The following SORBS3 variants were observed in gnomAD, a reference collection of about 807,000 sequenced individuals.
SORBS3 encodes vinexin.
SORBS3 carries 69 observed loss-of-function variants against 98.0 expected under a neutral mutation model. That is an observed-to-expected ratio of 0.70 (90% CI 0.58 to 0.86). The LOEUF is 0.86. Ranked by LOEUF, SORBS3 falls within the 40% of genes least tolerant of loss-of-function variation. The pLI is 0.00. For synonymous variants in SORBS3, 394 were observed against 355.4 expected (o/e 1.11, Z -1.22); for missense variants, 954 against 908.5 (o/e 1.05, Z -0.64).
Position 22,564,531 on chromosome 8 carries a change from G to A in SORBS3, c.816+10G>A. On this transcript the variant is annotated intron_variant, in intron 10 of 20. Coordinates refer to ENST00000240123, the MANE Select transcript of SORBS3 (RefSeq NM_005775.5). ...CTCCCAGCCCATTGAGGTGAGTGCT[G>A]CAGGGTGCTGGGGACAGCAGCCTGA... 6.2e-7 allele frequency: 1 copy of A among 1,614,016 alleles called. No homozygotes were observed. The highest frequency in any genetic ancestry group is 8.5e-7 in the Non-Finnish European group (1 of 1,179,966).
rs1346059913 is a variant in SORBS3 at position 22,556,705 on chromosome 8, C to T, written c.221-10C>T. ...CCTTTCACTAATGCTCTCCTGCACG[C>T]ACCCAACAGACCCTGCGTGGTATCA... On this transcript the variant is annotated splice_polypyrimidine_tract_variant and intron_variant, in intron 3 of 20. Transcript: ENST00000240123. The T allele has an allele frequency of 6.2e-7, 1 of 1,613,418 alleles. No individual in the cohort carries two copies. The highest frequency in any genetic ancestry group is 2.2e-5 in the East Asian group (1 of 44,888).
intron 5 of SORBS3, among the ~76,000 whole-genome samples, chr8:22,559,926 G>C (rs1840258769): frequency 6.6e-6 from 1 of 150,434 alleles, no homozygotes; most frequent in Non-Finnish European, 1.5e-5. Context: ...AATTAGTTGG[G>C]CATGGTGGTG....
rs768763540 is a variant in SORBS3, at chr8:22,574,660, C to T, written c.1955-7C>T. 3 of 1,612,892 alleles carry T rather than the reference C, an allele frequency of 1.9e-6. No homozygotes were observed. Among genetic ancestry groups the T allele is most frequent in the Non-Finnish European group, 2.5e-6 (3 of 1,179,368 alleles). On this transcript the variant is annotated splice_polypyrimidine_tract_variant and splice_region_variant and intron_variant, in intron 20 of 20. Coordinates refer to ENST00000240123, the MANE Select transcript of SORBS3 (RefSeq NM_005775.5). Reference sequence around the variant, plus strand: ...GGGGAAAGCTCTTCCTGCCTTTCCTCTTTCAGGTGTCTCCCGGAGGACCCA... The same window carrying T: ...GGGGAAAGCTCTTCCTGCCTTTCCTTTTTCAGGTGTCTCCCGGAGGACCCA...
In SORBS3 at chr8:22,556,835, G is replaced by A. The variant is rs773982336; in HGVS notation, c.341G>A (p.Arg114Gln). The A allele has an allele frequency of 1.7e-5, 28 of 1,613,524 alleles. No individual in the cohort carries two copies. The highest frequency in any genetic ancestry group is 1.1e-4 in the African/African-American group (8 of 74,922). ...SATWTKDSKR[R>Q]DKRWVKYEGI... is the part of the protein sequence containing the mutation. ...ACGTGGACCAAGGACAGCAAGCGTC[G>A]GGACAAGCGCTGGGTCAAGTACGAG... The change falls in exon 4 of 21, where the codon CGG becomes CAG. Residue 114 changes from arginine (R) to glutamine (Q), a missense_variant. Physicochemically the swap from Arg to Gln is conservative, Grantham distance 43 (BLOSUM62 1). Coordinates refer to ENST00000240123, the MANE Select transcript of SORBS3 (RefSeq NM_005775.5).
intron 11 of SORBS3, 70 bp from the exon 12 acceptor site, chr8:22,565,756 G>C (rs1198399491): frequency 2.3e-6 from 3 of 1,283,630 alleles, no homozygotes; most frequent in Non-Finnish European, 3.0e-6. Flanking sequence ...GAACTTTTCC[G>C]GAGGCGGCGG....
intron 10 of SORBS3, chr8:22,564,970 AC>A: frequency 7.5e-7 from 1 of 1,328,612 alleles, no homozygotes; most frequent in Non-Finnish European, 9.6e-7. Flanking sequence ...GAAATGGGGA[AC>A]CCCATTGGTG....
intron 20 of SORBS3, 112 bp downstream of exon 20, chr8:22,572,558 T>C (rs1319813970): frequency 4.6e-6 from 4 of 860,564 alleles, no homozygotes; most frequent in East Asian, 5.2e-5. Context: ...ACCCCCCGAC[T>C]CAGCTTCCGG....
rs1840613063 is a variant in SORBS3 at position 22,572,421 on chromosome 8, G to A, written c.1929G>A (p.Gln643=). Residue 643 remains glutamine (Q), a synonymous_variant, in exon 20 of 21, where the codon CAG becomes CAA. Coordinates refer to ENST00000240123, the MANE Select transcript of SORBS3 (RefSeq NM_005775.5). ...AGGGGGACAGGGTGGATGTCATGCA[G>A]CAGTGTGACGATGGCTGGTTTGTGG... ...LREGDRVDVM[Q]QCDDGWFVGV... 6.2e-7 allele frequency: 1 copy of A among 1,613,924 alleles called. No individual in the cohort carries two copies. The highest frequency in any genetic ancestry group is 8.5e-7 in the Non-Finnish European group (1 of 1,179,938).
chr8:22,554,349 C>T lies in SORBS3; in HGVS notation c.-55-103C>T. On this transcript the variant is annotated intron_variant, in intron 1 of 20. Coordinates refer to ENST00000240123, the MANE Select transcript of SORBS3 (RefSeq NM_005775.5). This position sits in a 1 kb window ranked among gnomAD's most constrained non-coding sequence, Gnocchi z 6.5. ...AGCTAGTACCCAGCTGGTCCTGACCCCCTCCCACAGCCGGCCCCTCCTCCC... is the reference window on the plus strand; with the variant it reads ...AGCTAGTACCCAGCTGGTCCTGACCTCCTCCCACAGCCGGCCCCTCCTCCC... The T allele has an allele frequency of 8.1e-7, 1 of 1,239,548 alleles. No homozygotes were observed. Among genetic ancestry groups the T allele is most frequent in the Non-Finnish European group, 1.1e-6 (1 of 923,372 alleles). The allele number at this position is 1,239,548 out of a possible 1,614,324, so 76.8% of individuals were successfully genotyped here. A position where few individuals can be genotyped will look rare whatever the true frequency, so the allele number is the denominator to read the frequency against.
intron 4 of SORBS3, 122 bp downstream of exon 4, chr8:22,557,030 C>T (rs1326507418): frequency 8.8e-7 from 1 of 1,137,436 alleles, no homozygotes; most frequent in Non-Finnish European, 1.2e-6. Context: ...CCAGATTAAG[C>T]AGGGGTTCAA....
chr8:22,564,854 T>C, intron 10 of SORBS3: 1 of 1,102,868 alleles, frequency 9.1e-7, no homozygotes, highest in Admixed American at 5.3e-5. Flanking sequence ...TAGCAGAGGC[T>C]GGCAGGAAGC....
upstream of SORBS3, among the ~76,000 whole-genome samples, chr8:22,547,896 A>G (rs1426242643): frequency 2.0e-5 from 3 of 152,176 alleles, no homozygotes; most frequent in African/African-American, 7.2e-5. Context: ...AGGCGGGATA[A>G]ATTGGGCAAA....
intron 10 of SORBS3, 101 bp from the exon 11 acceptor site, chr8:22,565,167 G>C (rs1299127197): frequency 1.3e-6 from 2 of 1,484,324 alleles, no homozygotes; most frequent in Non-Finnish European, 9.1e-7. Flanking sequence ...CCTTACGCCG[G>C]CCCGGTGCGC....
upstream of SORBS3, among the ~76,000 whole-genome samples, chr8:22,548,906 A>G (rs765174753): frequency 6.6e-6 from 1 of 152,126 alleles, no homozygotes; most frequent in African/African-American, 2.4e-5. Context: ...AGTGACCCGC[A>G]TTCCACCGCC....
chr8:22,546,453 C>G (rs973032414), intron 1 of SORBS3, among the ~76,000 whole-genome samples: 1 of 152,130 alleles, frequency 6.6e-6, no homozygotes, highest in African/African-American at 2.4e-5. Context: ...CTCTCTCTTT[C>G]GTCTCTCCAG....
In SORBS3 at chr8:22,566,826, A is replaced by G; in HGVS notation, c.1148A>G (p.Lys383Arg). 1 of 1,613,764 alleles carries G rather than the reference A, an allele frequency of 6.2e-7. No homozygotes were observed. The highest frequency in any genetic ancestry group is 8.5e-7 in the Non-Finnish European group (1 of 1,179,832). ...TCTGTCCTCTCCCCTGCCTAGAGAAAGGCCGCCAGGCTCAAGTTTGACTTC... is the reference window on the plus strand; with the variant it reads ...TCTGTCCTCTCCCCTGCCTAGAGAAGGGCCGCCAGGCTCAAGTTTGACTTC... Reference protein sequence around the residue: ...SPARREEKKRKAARLKFDFQA... With the variant: ...SPARREEKKRRAARLKFDFQA... The change falls in exon 15 of 21, where the codon AAG (lysine) becomes AGG (arginine). Residue 383 changes from lysine (K) to arginine (R), a missense_variant. Transcript: ENST00000240123.
intron 5 of SORBS3, among the ~76,000 whole-genome samples, chr8:22,560,029 T>A (rs1210218451): frequency 1.4e-5 from 2 of 147,032 alleles, no homozygotes; most frequent in African/African-American, 5.1e-5. Context: ...ATCACCCCAC[T>A]GCACTCCAGC....
chr8:22,573,513 T>A, intron 20 of SORBS3: 1 of 433,946 alleles, frequency 2.3e-6, no homozygotes, highest in Non-Finnish European at 4.7e-6. Flanking sequence ...CAGGCACATC[T>A]CAAGTGCCCA....
At chr8:22,568,231 C>A (rs1840477436) in intron 16 of SORBS3, among the ~76,000 whole-genome samples, 1 of 152,072 alleles carries the variant, frequency 6.6e-6, no homozygotes. Context: ...TTTACTTGAT[C>A]TTTGGATTTT....
Sources: allele counts gnomAD v4.1 joint callset (sites outside exome capture counted in the v4.1 genomes callset), GRCh38; gene constraint gnomAD v4.1.1; non-coding constraint Gnocchi (gnomAD v3.1); transcripts MANE v1.5; gene names NCBI Gene and HGNC (gene_info 2026-07-23, HGNC 2026-07-21).